Variants in RBFOX1 observed in about 807,000 individuals in gnomAD.
The protein encoded by RBFOX1 is RNA binding protein fox-1 homolog 1.
A neutral mutation model predicts 57.7 loss-of-function variants in RBFOX1; 8 were observed. The observed-to-expected ratio is 0.14, with a 90% CI of 0.08 to 0.25. The LOEUF is 0.25. RBFOX1 is among the 10% of genes least tolerant of loss of function. The pLI is 1.00. For synonymous variants in RBFOX1, 326 were observed against 222.4 expected, an observed-to-expected ratio of 1.47 and a Z score of -4.15; for missense variants, 611 against 548.5, an observed-to-expected ratio of 1.11 and a Z score of -1.14.
chr16:6,900,359 C>T (rs1418294339), intron 3 of RBFOX1, among the ~76,000 whole-genome samples: 1 of 152,218 alleles, frequency 6.6e-6, no homozygotes. Flanking sequence ...CTTTAGGGAT[C>T]CTTCTGTAAC....
chr16:6,062,555 T>C (rs2095701266), intron 1 of RBFOX1, among the ~76,000 whole-genome samples: 1 of 149,002 alleles, frequency 6.7e-6, no homozygotes, highest in Non-Finnish European at 1.5e-5. Flanking sequence ...TGTATCTATA[T>C]ATGTATATAT....
chr16:5,756,119 C>T (rs2053384487), intron 3 of RBFOX1, among the ~76,000 whole-genome samples: 1 of 149,756 alleles, frequency 6.7e-6, no homozygotes, highest in African/African-American at 2.5e-5. Context: ...TACAAAGCTA[C>T]AGGTGGTGCC....
At chr16:7,598,974 T>C (rs1168134855) in intron 9 of RBFOX1, among the ~76,000 whole-genome samples, 1 of 152,238 alleles carries the variant, frequency 6.6e-6, no homozygotes, top group Non-Finnish European at 1.5e-5. Context: ...CAGTTTGCTC[T>C]TAATTTTAAA....
Position 7,440,756 on chromosome 16 carries a change from G to A in RBFOX1, c.28-77391G>A, listed in dbSNP as rs537954399. Among the ~76,000 whole-genome samples the A allele has an allele frequency of 5.9e-5, 9 of 152,220 alleles. No homozygotes were observed. In the East Asian group the frequency reaches 9.7e-4, roughly 16 times the overall value. The stretch of plus-strand genomic sequence containing the variant: ...AGAAGGAAAGGAAATGAAACCCAGG[G>A]CTTTGCATCTTCCTCTTCAACTTCA... On this transcript the variant is annotated intron_variant, in intron 4 of 15. Coordinates refer to ENST00000550418, the MANE Select transcript of RBFOX1 (RefSeq NM_018723.4).
At chr16:6,312,837 T>C (rs1457698267) in intron 1 of RBFOX1, among the ~76,000 whole-genome samples, 7 of 152,194 alleles carry the variant, frequency 4.6e-5, no homozygotes, top group Middle Eastern at 3.4e-3. Context: ...ATCCATAGCA[T>C]TGTGATCAGA....
chr16:6,390,614 A>T (rs1205010659), intron 2 of RBFOX1, among the ~76,000 whole-genome samples: 1 of 152,216 alleles, frequency 6.6e-6, no homozygotes, highest in South Asian at 2.1e-4. Context: ...AATAAAATAA[A>T]CTATGAATTA....
chr16:6,087,713 C>T (rs1055799779), intron 1 of RBFOX1, among the ~76,000 whole-genome samples: 17 of 150,204 alleles, frequency 1.1e-4, no homozygotes, highest in African/African-American at 2.5e-4. Context: ...GGTGCCGTGG[C>T]GTGATCTCGG....
At chr16:5,767,547 C>G (rs923019792) in intron 3 of RBFOX1, among the ~76,000 whole-genome samples, 10 of 152,168 alleles carry the variant, frequency 6.6e-5, no homozygotes, top group Admixed American at 3.3e-4. Flanking sequence ...CCTGTCCCTA[C>G]GAACCCTGCG....
intron 4 of RBFOX1, among the ~76,000 whole-genome samples, chr16:7,483,979 C>A (rs540026774): frequency 6.6e-6 from 1 of 152,178 alleles, no homozygotes; most frequent in African/African-American, 2.4e-5. Flanking sequence ...AGTTTCCTTA[C>A]GCTTTATTTT....
intron 4 of RBFOX1, among the ~76,000 whole-genome samples, chr16:5,964,641 A>T (rs1169223415): frequency 6.6e-6 from 1 of 152,114 alleles, no homozygotes; most frequent in Non-Finnish European, 1.5e-5. Flanking sequence ...ACACATATAC[A>T]CACACATATA....
chr16:6,639,510 T>A (rs760634360), intron 2 of RBFOX1, among the ~76,000 whole-genome samples: 5 of 152,132 alleles, frequency 3.3e-5, no homozygotes, highest in Non-Finnish European at 7.4e-5. Context: ...ACATCTTATA[T>A]TGAGAAGGAA....
At chr16:6,302,569 T>C (rs2078942027) in intron 1 of RBFOX1, among the ~76,000 whole-genome samples, 2 of 152,236 alleles carry the variant, frequency 1.3e-5, no homozygotes, top group African/African-American at 2.4e-5. Context: ...TATCTTGGTA[T>C]TGACAGCGTT....
intron 4 of RBFOX1, among the ~76,000 whole-genome samples, chr16:7,490,679 C>T (rs981733173): frequency 2.0e-5 from 3 of 152,208 alleles, no homozygotes; most frequent in Non-Finnish European, 2.9e-5. Context: ...TGTGCTAGTT[C>T]ATAAGTCCAA....
intron 2 of RBFOX1, among the ~76,000 whole-genome samples, chr16:6,556,426 C>G (rs1457817576): frequency 6.6e-6 from 1 of 152,166 alleles, no homozygotes. Context: ...ATATTGGGCA[C>G]TGTCCTCGGT....
chr16:6,741,522 G>A (rs2072106821), intron 3 of RBFOX1, among the ~76,000 whole-genome samples: 1 of 151,800 alleles, frequency 6.6e-6, no homozygotes, highest in South Asian at 2.1e-4. Context: ...ATTTTAGCCA[G>A]GCTAACTTTG....
chr16:7,567,191 A>C (rs1198976007), intron 5 of RBFOX1, among the ~76,000 whole-genome samples: 4 of 100,276 alleles, frequency 4.0e-5, no homozygotes, highest in East Asian at 2.3e-4. Flanking sequence ...ATAAATATCC[A>C]TATATATATC....
At chr16:7,430,005 C>T (rs998722600) in intron 4 of RBFOX1, among the ~76,000 whole-genome samples, 2 of 152,170 alleles carry the variant, frequency 1.3e-5, no homozygotes, top group East Asian at 1.9e-4. Context: ...GGTCTAGGGC[C>T]ATTTGTCATC....
At chr16:6,804,037 T>C (rs1482226773) in intron 3 of RBFOX1, among the ~76,000 whole-genome samples, 2 of 152,012 alleles carry the variant, frequency 1.3e-5, no homozygotes, top group Non-Finnish European at 2.9e-5. Context: ...GATGGAGTCT[T>C]GCACTGTCAC....
intron 4 of RBFOX1, among the ~76,000 whole-genome samples, chr16:7,247,049 G>C (rs1603444059): frequency 6.6e-6 from 1 of 152,140 alleles, no homozygotes; most frequent in Admixed American, 6.5e-5. Context: ...TTTAGTGCAT[G>C]TGTCTGTAGT....
Sources: gnomAD v4.1 joint callset for allele counts (sites outside exome capture counted in the v4.1 genomes callset) on GRCh38, gnomAD v4.1.1 for gene constraint, MANE v1.5 for transcripts, NCBI Gene and HGNC (gene_info 2026-07-23, HGNC 2026-07-21) for gene names.